MTUS2: variants seen among roughly 807,000 people sequenced by gnomAD.
The protein encoded by MTUS2 is microtubule associated scaffold protein 2.
MTUS2 carries 40 observed loss-of-function variants against 114.1 expected under a neutral mutation model. The observed-to-expected ratio is 0.35, with a 90% CI of 0.27 to 0.46. The LOEUF (loss-of-function observed/expected upper bound fraction) is 0.46, where lower values mean the gene tolerates loss of function less well. Ranked by LOEUF, MTUS2 falls within the 20% of genes least tolerant of loss-of-function variation. MTUS2 has a pLI of 1.00. For synonymous variants in MTUS2, 688 were observed against 672.0 expected, an observed-to-expected ratio of 1.02 and a Z score of -0.37; for missense variants, 1,679 against 1,705.4, an observed-to-expected ratio of 0.98 and a Z score of 0.27.
intron 9 of MTUS2, among the ~76,000 whole-genome samples, chr13:29,479,093 G>A (rs747347353): frequency 1.3e-5 from 2 of 152,182 alleles, no homozygotes; most frequent in African/African-American, 2.4e-5. Flanking sequence ...CCTGTCATCA[G>A]TAACCACCAC....
chr13:28,835,734 G>T (rs1875035021), intron 1 of MTUS2, among the ~76,000 whole-genome samples: 1 of 152,188 alleles, frequency 6.6e-6, no homozygotes, highest in African/African-American at 2.4e-5. Flanking sequence ...CAAGGCAGGT[G>T]CTCTGCCTTG....
At chr13:29,315,440 G>A (rs1899947362) in intron 6 of MTUS2, among the ~76,000 whole-genome samples, 1 of 152,088 alleles carries the variant, frequency 6.6e-6, no homozygotes, top group South Asian at 2.1e-4. Context: ...CCATACATAT[G>A]TACAATTACT....
Position 29,496,471 on chromosome 13 carries a change from A to T in MTUS2, c.3580-767A>T, listed in dbSNP as rs1340955699. 6.5e-6 allele frequency: 1 copy of T among 153,558 alleles called. No individual in the cohort carries two copies. Among genetic ancestry groups the T allele is most frequent in the African/African-American group, 2.4e-5 (1 of 41,334 alleles). 9.5% of individuals were successfully genotyped at this position (153,558 alleles called of 1,614,324 possible). A position where few individuals can be genotyped will look rare whatever the true frequency, so the allele number is the denominator to read the frequency against. The stretch of plus-strand genomic sequence containing the variant: ...TGGAGGTAGGCACTGCCAGCAGGAG[A>T]GCTGGCTGCGAGAGGAAAGGGAGGC... On this transcript the variant is annotated intron_variant, in intron 12 of 15. Transcript: ENST00000612955. This position sits in a 1 kb window ranked among gnomAD's most constrained non-coding sequence, Gnocchi z 4.3.
intron 5 of MTUS2, among the ~76,000 whole-genome samples, chr13:29,165,730 A>G (rs1233891866): frequency 6.6e-6 from 1 of 152,238 alleles, no homozygotes; most frequent in African/African-American, 2.4e-5. Context: ...TTAATGCAAC[A>G]TTAACATGTC....
intron 8 of MTUS2, among the ~76,000 whole-genome samples, chr13:29,398,748 A>T (rs557925648): frequency 2.6e-5 from 4 of 152,106 alleles, no homozygotes; most frequent in Non-Finnish European, 5.9e-5. Flanking sequence ...CAATTTTTTT[A>T]AAAAATCACA....
intron 5 of MTUS2, among the ~76,000 whole-genome samples, chr13:29,163,582 GGGTT>G (rs569991675): frequency 1.4e-3 from 212 of 152,186 alleles, no homozygotes; most frequent in East Asian, 1.7e-3. Context: ...TCCATTCTAG[GGGTT>G]GGCTCTGGAA....
At chr13:29,472,765 G>A (rs915755366) in intron 9 of MTUS2, among the ~76,000 whole-genome samples, 1 of 152,202 alleles carries the variant, frequency 6.6e-6, no homozygotes, top group Non-Finnish European at 1.5e-5. Context: ...GTGCAATAAT[G>A]AGAGAATATA....
At chr13:29,301,261 T>C (rs956244779) in intron 6 of MTUS2, among the ~76,000 whole-genome samples, 3 of 152,164 alleles carry the variant, frequency 2.0e-5, no homozygotes, top group Non-Finnish European at 4.4e-5. Context: ...CATTGCCCTT[T>C]TGTGTAGGCC....
chr13:29,429,983 C>T (rs1876867211), intron 8 of MTUS2, among the ~76,000 whole-genome samples: 1 of 152,186 alleles, frequency 6.6e-6, no homozygotes, highest in South Asian at 2.1e-4. Context: ...ATAGAAATAA[C>T]TACTTCAGTG....
intron 5 of MTUS2, among the ~76,000 whole-genome samples, chr13:29,230,109 G>A (rs11617338): frequency 0.061 from 9,286 of 152,178 alleles, 301 homozygotes; most frequent in Middle Eastern, 0.078. Context: ...AGCCGGGCAT[G>A]GTGGTGGGCA....
chr13:29,498,844 A>G (rs915039164), intron 14 of MTUS2, among the ~76,000 whole-genome samples: 1 of 152,110 alleles, frequency 6.6e-6, no homozygotes, highest in Non-Finnish European at 1.5e-5. Context: ...ACCCAGCACA[A>G]TGCAGCATCC....
chr13:29,255,856 A>AG (rs1897269431), intron 5 of MTUS2, among the ~76,000 whole-genome samples: 1 of 152,180 alleles, frequency 6.6e-6, no homozygotes, highest in African/African-American at 2.4e-5. Context: ...CGCTGCATTG[A>AG]GTTATTGAAA....
chr13:29,201,359 C>G (rs1214105602), intron 5 of MTUS2, among the ~76,000 whole-genome samples: 1 of 149,976 alleles, frequency 6.7e-6, no homozygotes, highest in South Asian at 2.1e-4. Context: ...TTTCCATTTG[C>G]TTGGTAAAAA....
chr13:29,304,458 T>C (rs1242629662), intron 6 of MTUS2, among the ~76,000 whole-genome samples: 1 of 150,908 alleles, frequency 6.6e-6, no homozygotes, highest in African/African-American at 2.4e-5. Context: ...ACCACACTAA[T>C]GGAAAAAAAG....
intron 2 of MTUS2, among the ~76,000 whole-genome samples, chr13:28,926,333 A>G (rs185152281): frequency 1.4e-3 from 215 of 152,338 alleles, no homozygotes; most frequent in Admixed American, 3.1e-3. Context: ...TGACAAATTC[A>G]TAATAGCTTT....
intron 2 of MTUS2, among the ~76,000 whole-genome samples, chr13:28,844,567 G>A (rs554579408): frequency 7.2e-6 from 1 of 137,978 alleles, no homozygotes; most frequent in South Asian, 2.3e-4. Flanking sequence ...GAGGGAGGAA[G>A]GGGTCTGCAG....
chr13:29,379,427 G>A (rs1223654969), intron 8 of MTUS2, among the ~76,000 whole-genome samples: 6 of 152,120 alleles, frequency 3.9e-5, no homozygotes. Flanking sequence ...AGATGGGACA[G>A]GGGACCTACA....
At chr13:29,227,933 A>G (rs1405682713) in intron 5 of MTUS2, among the ~76,000 whole-genome samples, 1 of 152,224 alleles carries the variant, frequency 6.6e-6, no homozygotes, top group Non-Finnish European at 1.5e-5. Context: ...ATTCTATTCC[A>G]AAACATATCC....
chr13:29,243,220 A>G (rs1165719052), intron 5 of MTUS2, among the ~76,000 whole-genome samples: 2 of 152,194 alleles, frequency 1.3e-5, no homozygotes, highest in African/African-American at 4.8e-5. Context: ...GAGAGTGTGT[A>G]GAAGGAGAAA....
Sources: gnomAD v4.1 joint callset for allele counts (sites outside exome capture counted in the v4.1 genomes callset) on GRCh38, gnomAD v4.1.1 for gene constraint, Gnocchi (gnomAD v3.1) non-coding constraint, MANE v1.5 for transcripts, NCBI Gene and HGNC (gene_info 2026-07-23, HGNC 2026-07-21) for gene names.